ATP2B2: variants seen among roughly 807,000 people sequenced by gnomAD.
ATP2B2 encodes the protein plasma membrane calcium-transporting ATPase 2.
In ATP2B2, 15 loss-of-function variants were observed where a neutral mutation model predicts 120.0. The ratio of observed to expected loss-of-function variants is 0.12; its 90% CI spans 0.08 to 0.19. The LOEUF (loss-of-function observed/expected upper bound fraction) is 0.19. ATP2B2 is among the 10% of genes least tolerant of loss of function. The probability of loss-of-function intolerance (pLI) is 1.00; values close to 1 mark genes in which losing one functional copy is unlikely to be tolerated. For synonymous variants in ATP2B2, 694 were observed against 700.3 expected (o/e 0.99, Z 0.14); for missense variants, 1,045 against 1,719.8 (o/e 0.61, Z 6.94).
At chr3:10,534,402 T>A (rs2067268763) in intron 2 of ATP2B2, among the ~76,000 whole-genome samples, 1 of 152,218 alleles carries the variant, frequency 6.6e-6, no homozygotes, top group African/African-American at 2.4e-5. Flanking sequence ...GAAGGTTGAG[T>A]GGCAGGCCCC....
intron 1 of ATP2B2, among the ~76,000 whole-genome samples, chr3:10,651,742 TG>T (rs2070469922): frequency 1.6e-5 from 2 of 127,798 alleles, no homozygotes; most frequent in African/African-American, 9.1e-5. Flanking sequence ...AATGCATGTA[TG>T]AATGGATGGA....
chr3:10,464,237 G>A (rs1197561374), intron 1 of ATP2B2, among the ~76,000 whole-genome samples: 3 of 152,122 alleles, frequency 2.0e-5, no homozygotes, highest in Non-Finnish European at 4.4e-5. Context: ...CAGCGCAGCC[G>A]AGTCCTCGCG....
intron 2 of ATP2B2, among the ~76,000 whole-genome samples, chr3:10,543,896 G>A (rs1236955678): frequency 1.3e-5 from 2 of 152,030 alleles, no homozygotes; most frequent in East Asian, 3.9e-4. Flanking sequence ...ATGTCATCAT[G>A]CCCGTCTAAT....
At chr3:10,349,148 C>T (rs528047758) in intron 16 of ATP2B2, among the ~76,000 whole-genome samples, 1 of 152,180 alleles carries the variant, frequency 6.6e-6, no homozygotes, top group Non-Finnish European at 1.5e-5. Flanking sequence ...GCCAGGACCA[C>T]GTGACTCTAA....
upstream of ATP2B2, among the ~76,000 whole-genome samples, chr3:10,508,724 G>T (rs185734229): frequency 2.0e-5 from 3 of 152,184 alleles, no homozygotes; most frequent in Non-Finnish European, 2.9e-5. Flanking sequence ...GGGGGCAGGG[G>T]GTATTGGACA....
At chr3:10,626,008 A>G (rs1303897584) in intron 1 of ATP2B2, 1 of 151,838 alleles carries the variant, frequency 6.6e-6, no homozygotes, top group African/African-American at 2.4e-5. Flanking sequence ...TTATGGTAGC[A>G]ATAAAGTTTC....
At chr3:10,436,194 A>C (rs1365580825) in intron 2 of ATP2B2, among the ~76,000 whole-genome samples, 1 of 152,252 alleles carries the variant, frequency 6.6e-6, no homozygotes, top group Non-Finnish European at 1.5e-5. Flanking sequence ...AATTATAGCC[A>C]TCATTAGAAA....
chr3:10,569,425 G>T (rs1365323806), intron 2 of ATP2B2, among the ~76,000 whole-genome samples: 1 of 152,166 alleles, frequency 6.6e-6, no homozygotes, highest in Non-Finnish European at 1.5e-5. Context: ...AAATAGGATT[G>T]GGGGCCAACT....
chr3:10,447,847 A>G (rs1195815043), intron 2 of ATP2B2, among the ~76,000 whole-genome samples: 1 of 152,236 alleles, frequency 6.6e-6, no homozygotes, highest in Non-Finnish European at 1.5e-5. Context: ...CCTCCCTGCC[A>G]AAACAAAAAA....
At chr3:10,386,358 G>T in intron 7 of ATP2B2, 122 bp downstream of exon 7, 1 of 1,128,344 alleles carries the variant, frequency 8.9e-7, no homozygotes, top group Non-Finnish European at 1.3e-6. Flanking sequence ...CTGGGGGGTG[G>T]AGCCACCCAC....
intron 1 of ATP2B2, among the ~76,000 whole-genome samples, chr3:10,684,425 G>A (rs1203715273): frequency 6.6e-6 from 1 of 152,196 alleles, no homozygotes; most frequent in Non-Finnish European, 1.5e-5. Flanking sequence ...CTTGTACTTT[G>A]CAGTTATGTG....
chr3:10,677,846 G>A (rs1416413685), intron 1 of ATP2B2, among the ~76,000 whole-genome samples: 1 of 152,196 alleles, frequency 6.6e-6, no homozygotes, highest in South Asian at 2.1e-4. Context: ...TAAGTTGTAT[G>A]GCATGAGTAA....
intron 22 of ATP2B2, among the ~76,000 whole-genome samples, chr3:10,331,502 T>C (rs1321337653): frequency 6.6e-6 from 1 of 152,108 alleles, no homozygotes; most frequent in Non-Finnish European, 1.5e-5. Context: ...CACAATGAGA[T>C]GAGGCCCCTC....
At chr3:10,499,786 C>G (rs998633826) in intron 1 of ATP2B2, among the ~76,000 whole-genome samples, 145 of 152,258 alleles carry the variant, frequency 9.5e-4, no homozygotes, top group African/African-American at 3.3e-3. Flanking sequence ...GGAATTCCTG[C>G]CCCATGGATT....
chr3:10,482,910 C>T (rs947881775), intron 1 of ATP2B2, among the ~76,000 whole-genome samples: 4 of 152,258 alleles, frequency 2.6e-5, no homozygotes, highest in African/African-American at 9.6e-5. Flanking sequence ...AGGGGATTTG[C>T]ACTCGGGGAA....
intron 1 of ATP2B2, among the ~76,000 whole-genome samples, chr3:10,488,108 T>A (rs976258017): frequency 6.6e-6 from 1 of 151,572 alleles, no homozygotes; most frequent in African/African-American, 2.4e-5. Context: ...CAGCCATCCA[T>A]CCATCCATCC....
At chr3:10,381,261 G>A (rs1205702683) in intron 8 of ATP2B2, among the ~76,000 whole-genome samples, 1 of 152,088 alleles carries the variant, frequency 6.6e-6, no homozygotes, top group Non-Finnish European at 1.5e-5. Context: ...TCTTTCTACT[G>A]GATTAAAAAA....
intron 2 of ATP2B2, among the ~76,000 whole-genome samples, 168 bp downstream of exon 2, chr3:10,449,177 A>G (rs1272188540): frequency 6.6e-6 from 1 of 152,214 alleles, no homozygotes; most frequent in East Asian, 1.9e-4. Context: ...TCCCCAGCCT[A>G]TCCAGAGGGG....
At chr3:10,358,985 A>C in intron 13 of ATP2B2, 60 bp from the exon 14 acceptor site, 1 of 1,528,386 alleles carries the variant, frequency 6.5e-7, no homozygotes. Context: ...AAAGGCTTAG[A>C]GACCACCTCC....
Sources: allele counts gnomAD v4.1 joint callset (sites outside exome capture counted in the v4.1 genomes callset), GRCh38; gene constraint gnomAD v4.1.1; transcripts MANE v1.5; gene names NCBI Gene and HGNC (gene_info 2026-07-23, HGNC 2026-07-21).